FAAH2: variants seen among roughly 807,000 people sequenced by gnomAD.
FAAH2 encodes the protein fatty acid amide hydrolase 2.
FAAH2 carries 60 observed loss-of-function variants against 36.9 expected under a neutral mutation model. The ratio of observed to expected loss-of-function variants is 1.63; its 90% CI spans 1.32 to 2.02. The LOEUF (loss-of-function observed/expected upper bound fraction) is 2.02, where lower values mean the gene tolerates loss of function less well. Among genes scored for constraint, FAAH2 ranks in the 30% most tolerant of loss-of-function variants. FAAH2 has a pLI of 0.00. For missense variants in FAAH2, 689 were observed against 397.5 expected (o/e 1.73, Z -6.23); for synonymous variants, 214 against 143.8 (o/e 1.49, Z -3.49).
chrX:57,241,182 C>T, the FAAH2 span, among the ~76,000 whole-genome samples: 3 of 111,636 alleles, frequency 2.7e-5, no homozygotes, highest in Non-Finnish European at 5.6e-5. Flanking sequence ...CTTCTTTACA[C>T]CAAATGCAAA....
At chrX:57,262,652 G>A in the FAAH2 span, among the ~76,000 whole-genome samples, 1 of 111,281 alleles carries the variant, frequency 9.0e-6, no homozygotes, top group Admixed American at 9.6e-5. Context: ...TCTAAATAAA[G>A]ATAGTCTAAT....
At chrX:57,352,660 G>A (rs1357131164) in intron 5 of FAAH2, among the ~76,000 whole-genome samples, 2 of 110,917 alleles carry the variant, frequency 1.8e-5, no homozygotes, top group African/African-American at 6.5e-5. Flanking sequence ...AGAAAAAGAC[G>A]AAGTTAAATA....
the FAAH2 span, among the ~76,000 whole-genome samples, chrX:57,205,711 T>A: frequency 8.9e-6 from 1 of 112,498 alleles, no homozygotes; most frequent in Non-Finnish European, 1.9e-5. Flanking sequence ...TCAATTTGTT[T>A]AAATTTAGTT....
At chrX:57,137,319 G>A in the FAAH2 span, 3 of 759,289 alleles carry the variant, frequency 4.0e-6, no homozygotes, top group South Asian at 6.5e-5. Flanking sequence ...GACTCGCTGA[G>A]TGACTGCTTG....
the FAAH2 span, among the ~76,000 whole-genome samples, chrX:57,214,164 TC>T: frequency 8.9e-6 from 1 of 112,319 alleles, no homozygotes; most frequent in Middle Eastern, 4.6e-3. Flanking sequence ...AATAGATTTT[TC>T]CACTTTTAAC....
chrX:57,181,065 G>C, the FAAH2 span, among the ~76,000 whole-genome samples: 89 of 111,348 alleles, frequency 8.0e-4, no homozygotes, highest in Admixed American at 1.4e-3. Flanking sequence ...AAAGGTTTTT[G>C]ATAAAATTTA....
chrX:57,140,598 CAAAA>C, the FAAH2 span, among the ~76,000 whole-genome samples: 400 of 58,827 alleles, frequency 6.8e-3, 6 homozygotes, highest in African/African-American at 0.018. Context: ...GACCCCGTCT[CAAAA>C]AAAAAAAAAA....
At chrX:57,302,197 C>T (rs931899852) in intron 2 of FAAH2, among the ~76,000 whole-genome samples, 4 of 111,801 alleles carry the variant, frequency 3.6e-5, no homozygotes, top group Non-Finnish European at 7.5e-5. Context: ...TACAGAATCA[C>T]ACAGACCTGG....
At chrX:57,254,356 A>T in the FAAH2 span, among the ~76,000 whole-genome samples, 1 of 111,804 alleles carries the variant, frequency 8.9e-6, no homozygotes, top group African/African-American at 3.3e-5. Flanking sequence ...TCAATATTAG[A>T]CAGATCAATG....
chrX:57,200,760 T>C, the FAAH2 span, among the ~76,000 whole-genome samples: 1 of 112,079 alleles, frequency 8.9e-6, no homozygotes, highest in African/African-American at 3.2e-5. Flanking sequence ...TTATTTTTGA[T>C]TGGTTCATCA....
At chrX:57,413,226 A>G (rs756118891) in intron 7 of FAAH2, among the ~76,000 whole-genome samples, 29 of 111,895 alleles carry the variant, frequency 2.6e-4, no homozygotes, top group South Asian at 3.7e-4. Context: ...CTTTAGTTTA[A>G]TTAGATTCCA....
intron 5 of FAAH2, among the ~76,000 whole-genome samples, chrX:57,367,210 G>A (rs967601762): frequency 6.2e-5 from 7 of 112,648 alleles, no homozygotes; most frequent in African/African-American, 2.3e-4. Context: ...AGCACAAAAT[G>A]TCAGCATCTA....
chrX:57,222,192 G>A, the FAAH2 span, among the ~76,000 whole-genome samples: 20 of 110,864 alleles, frequency 1.8e-4, no homozygotes, highest in African/African-American at 5.6e-4. Context: ...AGGACTAGTG[G>A]GATATTGTAG....
intron 10 of FAAH2, among the ~76,000 whole-genome samples, chrX:57,486,463 T>C (rs1207109244): frequency 8.9e-6 from 1 of 111,850 alleles, no homozygotes; most frequent in African/African-American, 3.3e-5. Flanking sequence ...TCATGCACTA[T>C]GGTTCCTGCA....
the FAAH2 span, among the ~76,000 whole-genome samples, chrX:57,272,982 G>C: frequency 2.7e-5 from 3 of 111,998 alleles, no homozygotes; most frequent in African/African-American, 9.7e-5. Context: ...TGGATAAAAA[G>C]TCAAGACACC....
At chrX:57,183,179 TAACA>T in the FAAH2 span, among the ~76,000 whole-genome samples, 1 of 111,269 alleles carries the variant, frequency 9.0e-6, no homozygotes, top group South Asian at 3.8e-4. Context: ...TTTATCTATA[TAACA>T]AACCTGCATA....
the FAAH2 span, among the ~76,000 whole-genome samples, chrX:57,143,824 T>C: frequency 8.9e-6 from 1 of 111,850 alleles, no homozygotes; most frequent in African/African-American, 3.2e-5. Context: ...ACAGTAAAGA[T>C]ATAAGTGGTT....
chrX:57,322,228 G>T (rs891721978), intron 3 of FAAH2, among the ~76,000 whole-genome samples: 2 of 111,410 alleles, frequency 1.8e-5, no homozygotes, highest in Non-Finnish European at 3.8e-5. Flanking sequence ...CTGACCTCGT[G>T]ATCCGCGCTC....
At chrX:57,416,378 T>C (rs2055843274) in intron 7 of FAAH2, among the ~76,000 whole-genome samples, 1 of 111,469 alleles carries the variant, frequency 9.0e-6, no homozygotes, top group Non-Finnish European at 1.9e-5. Context: ...GTTTTTTCCT[T>C]TCCATGTTTA....
Sources: gnomAD v4.1 joint callset for allele counts (sites outside exome capture counted in the v4.1 genomes callset) on GRCh38, gnomAD v4.1.1 for gene constraint, MANE v1.5 for transcripts, NCBI Gene and HGNC (gene_info 2026-07-23, HGNC 2026-07-21) for gene names.